ENTPD3: variants seen among roughly 807,000 people sequenced by gnomAD.
ENTPD3 encodes CD39 antigen-like 3.
A neutral mutation model predicts 51.2 loss-of-function variants in ENTPD3; 60 were observed. The observed-to-expected ratio is 1.17, with a 90% CI of 0.95 to 1.45. The LOEUF (loss-of-function observed/expected upper bound fraction) is 1.45. Among genes scored for constraint, ENTPD3 ranks in the 40% most tolerant of loss-of-function variants. ENTPD3 has a pLI of 0.00. For synonymous variants in ENTPD3, 221 were observed against 238.4 expected (o/e 0.93, Z 0.67); for missense variants, 593 against 641.1 (o/e 0.93, Z 0.81).
At chr3:40,390,478 A>C (rs1428243938) in intron 2 of ENTPD3, among the ~76,000 whole-genome samples, 1 of 152,188 alleles carries the variant, frequency 6.6e-6, no homozygotes, top group Non-Finnish European at 1.5e-5. Context: ...TACAGGCATA[A>C]GCCACTATAC....
intron 4 of ENTPD3, among the ~76,000 whole-genome samples, chr3:40,408,813 C>T (rs933319561): frequency 1.3e-5 from 2 of 152,198 alleles, no homozygotes; most frequent in Non-Finnish European, 2.9e-5. Context: ...AGAAGGATCA[C>T]TTGAGCCTAG....
At chr3:40,414,929 G>A in intron 6 of ENTPD3, 89 bp downstream of exon 6, 2 of 1,342,112 alleles carry the variant, frequency 1.5e-6, no homozygotes, top group Non-Finnish European at 2.1e-6. Flanking sequence ...ATGCCATCAG[G>A]GATATCTGCC....
chr3:40,425,592 T>C (rs138227237), intron 10 of ENTPD3, among the ~76,000 whole-genome samples: 11 of 152,162 alleles, frequency 7.2e-5, no homozygotes, highest in African/African-American at 1.9e-4. Flanking sequence ...AATGATGTTG[T>C]GGCTTAAAAT....
Position 40,388,071 on chromosome 3 carries a change from T to C in ENTPD3, c.14T>C (p.Leu5Pro). 6.2e-7 allele frequency: 1 copy of C among 1,614,188 alleles called. No homozygotes were observed. Among genetic ancestry groups the C allele is most frequent in the Non-Finnish European group, 8.5e-7 (1 of 1,180,024 alleles). MFTV[L>P]TRQPCEQAGL... Reference sequence around the variant, plus strand: ...CTAGGAGAAAAGATGTTCACTGTGCTGACCCGCCAACCATGTGAGCAAGCA... The same window carrying C: ...CTAGGAGAAAAGATGTTCACTGTGCCGACCCGCCAACCATGTGAGCAAGCA... The change falls in exon 2 of 11, where the codon CTG becomes CCG. Residue 5 changes from leucine (L) to proline (P), a missense_variant. Leu to Pro is a moderately conservative substitution (Grantham distance 98, BLOSUM62 -3). Coordinates refer to ENST00000301825, the MANE Select transcript of ENTPD3 (RefSeq NM_001248.4).
intron 4 of ENTPD3, among the ~76,000 whole-genome samples, chr3:40,411,306 G>GA (rs1247870449): frequency 4.1e-5 from 3 of 73,194 alleles, no homozygotes; most frequent in South Asian, 5.0e-4. Context: ...AAAAAAAAAA[G>GA]AAAAAAAGAA....
At chr3:40,414,608 C>T in intron 5 of ENTPD3, 73 bp from the exon 6 acceptor site, 1 of 1,525,516 alleles carries the variant, frequency 6.6e-7, no homozygotes, top group Admixed American at 1.8e-5. Flanking sequence ...TGCATTTTCA[C>T]CTGAGTGAGA....
At chr3:40,390,849 C>T (rs1392030443) in intron 2 of ENTPD3, 2 of 152,212 alleles carry the variant, frequency 1.3e-5, no homozygotes, top group Non-Finnish European at 2.9e-5. Flanking sequence ...CTCAGTGAAT[C>T]CCTGCCCCAA....
At chr3:40,394,542 A>T (rs1040048768) in intron 3 of ENTPD3, 1 of 155,538 alleles carries the variant, frequency 6.4e-6, no homozygotes, top group African/African-American at 2.4e-5. Flanking sequence ...AGCGAGCACC[A>T]TGACTGCCAT....
In ENTPD3 at chr3:40,423,953, T is replaced by C. The variant is rs559776398; in HGVS notation, c.1343T>C (p.Phe448Ser). Reference protein sequence around the residue: ...FTEETWPQIHFEKEVGNSSIA... With the variant: ...FTEETWPQIHSEKEVGNSSIA... ...GAGGAGACTTGGCCCCAAATACACT[T>C]TGAAAAAGAAGTAAGTTAAGCACAA... Residue 448 changes from phenylalanine to serine, a missense_variant, in exon 10 of 11, where the codon TTT (phenylalanine) becomes TCT (serine). Transcript: ENST00000301825. 1 of 1,614,102 alleles carries C rather than the reference T, an allele frequency of 6.2e-7. No individual in the cohort carries two copies. Among genetic ancestry groups the C allele is most frequent in the Admixed American group, 1.7e-5 (1 of 60,024 alleles).
chr3:40,400,763 T>C (rs566652238), intron 3 of ENTPD3, 131 bp from the exon 4 acceptor site: 22 of 638,570 alleles, frequency 3.4e-5, no homozygotes, highest in African/African-American at 3.3e-4. Context: ...AAATAATTTT[T>C]CTTATTGATT....
intron 4 of ENTPD3, among the ~76,000 whole-genome samples, chr3:40,403,058 C>T (rs954538223): frequency 1.3e-5 from 2 of 152,164 alleles, no homozygotes; most frequent in African/African-American, 4.8e-5. Context: ...CCAGCCCGAG[C>T]AGCCTCCTTT....
intron 10 of ENTPD3, among the ~76,000 whole-genome samples, chr3:40,425,417 AAAAAAT>A (rs1387714428): frequency 6.6e-6 from 1 of 150,942 alleles, no homozygotes; most frequent in Non-Finnish European, 1.5e-5. Context: ...ACTCCATCTC[AAAAAAT>A]AAAAATAAAA....
At position 40,411,673 on chromosome 3, in the gene ENTPD3, G is replaced by T. The variant is rs1008502952; in HGVS notation, c.287-139G>T. ...GTATACTGATCAGTGTGACCATACG[G>T]GACTTACCACATCCAGCTGTTTTCG... On this transcript the variant is annotated intron_variant, in intron 4 of 10. Coordinates refer to ENST00000301825, the MANE Select transcript of ENTPD3 (RefSeq NM_001248.4). 3.0e-5 allele frequency: 21 copies of T among 696,076 alleles called. No individual in the cohort carries two copies. In the African/African-American group the frequency reaches 3.2e-4, roughly 11 times the overall value. The allele number at this position is 696,076 out of a possible 1,614,324, so 43.1% of individuals were successfully genotyped here.
At chr3:40,390,779 A>T (rs1428065199) in intron 2 of ENTPD3, among the ~76,000 whole-genome samples, 1 of 152,106 alleles carries the variant, frequency 6.6e-6, no homozygotes, top group African/African-American at 2.4e-5. Context: ...ACACATCCAT[A>T]TACTCCACAC....
intron 7 of ENTPD3, among the ~76,000 whole-genome samples, chr3:40,420,620 A>AATC (rs1451531031): frequency 6.6e-6 from 1 of 152,090 alleles, no homozygotes; most frequent in Non-Finnish European, 1.5e-5. Flanking sequence ...AATTTTTGAA[A>AATC]ATCATAGATT....
At chr3:40,403,653 A>AT (rs112252461) in intron 4 of ENTPD3, among the ~76,000 whole-genome samples, 49,403 of 140,018 alleles carry the variant, frequency 0.35, 8,800 homozygotes, top group East Asian at 0.61. Flanking sequence ...TTTTCCTTTA[A>AT]TTTTTTTTTT....
At chr3:40,395,093 T>A (rs1955165426) in intron 3 of ENTPD3, among the ~76,000 whole-genome samples, 1 of 152,204 alleles carries the variant, frequency 6.6e-6, no homozygotes, top group African/African-American at 2.4e-5. Context: ...AGCTGTGTGG[T>A]CTGAACTGTC....
chr3:40,407,816 C>T (rs946823831), intron 4 of ENTPD3, among the ~76,000 whole-genome samples: 3 of 151,986 alleles, frequency 2.0e-5, no homozygotes, highest in East Asian at 1.9e-4. Flanking sequence ...AGAGGAAGTG[C>T]GCAATTAGGT....
In ENTPD3 at chr3:40,416,139, C is replaced by T. The variant is rs995006686; in HGVS notation, c.831+66C>T. 4 of 1,178,416 alleles carry T rather than the reference C, an allele frequency of 3.4e-6. No homozygotes were observed. In the African/African-American group the frequency reaches 4.5e-5, roughly 13 times the overall value. 73.0% of individuals were successfully genotyped at this position (1,178,416 alleles called of 1,614,324 possible). A position where few individuals can be genotyped will look rare whatever the true frequency, so the allele number is the denominator to read the frequency against. On this transcript the variant is annotated intron_variant, in intron 7 of 10. Coordinates refer to ENST00000301825, the MANE Select transcript of ENTPD3 (RefSeq NM_001248.4). ...AGGGTTTGAGCTGAGGGGAGAATGC[C>T]CTGCCTTCTGGGGTCTGTCCTCTCC...
Sources: allele counts gnomAD v4.1 joint callset (sites outside exome capture counted in the v4.1 genomes callset), GRCh38; gene constraint gnomAD v4.1.1; transcripts MANE v1.5; gene names NCBI Gene and HGNC (gene_info 2026-07-23, HGNC 2026-07-21).